PLEKHF2: variants seen among roughly 807,000 people sequenced by gnomAD.
PLEKHF2 encodes pleckstrin homology domain-containing family F member 2.
A neutral mutation model predicts 14.7 loss-of-function variants in PLEKHF2; 4 were observed. That is an observed-to-expected ratio of 0.27 (90% CI 0.13 to 0.62). PLEKHF2 has a LOEUF of 0.62. PLEKHF2 is among the 20% of genes least tolerant of loss of function. PLEKHF2 has a pLI of 0.85. For missense variants in PLEKHF2, 201 were observed against 307.7 expected (o/e 0.65, Z 2.60); for synonymous variants, 90 against 103.5 (o/e 0.87, Z 0.79).
intron 1 of PLEKHF2, among the ~76,000 whole-genome samples, chr8:95,138,270 A>G (rs1315608393): frequency 6.6e-6 from 1 of 151,612 alleles, no homozygotes; most frequent in African/African-American, 2.4e-5. Flanking sequence ...CATGTTGAGC[A>G]GATGACCTTA....
At chr8:95,143,433 T>C (rs758813019) in intron 1 of PLEKHF2, among the ~76,000 whole-genome samples, 1 of 152,130 alleles carries the variant, frequency 6.6e-6, no homozygotes. Flanking sequence ...CCTCCACATC[T>C]GTTGGGAATG....
intron 1 of PLEKHF2, among the ~76,000 whole-genome samples, chr8:95,141,760 G>T (rs1378138229): frequency 6.7e-6 from 1 of 149,100 alleles, no homozygotes; most frequent in Admixed American, 6.8e-5. Flanking sequence ...GGCTGGTATC[G>T]AACTCCTGAC....
intron 1 of PLEKHF2, among the ~76,000 whole-genome samples, chr8:95,137,746 A>G (rs1212975097): frequency 6.6e-6 from 1 of 152,118 alleles, no homozygotes; most frequent in Non-Finnish European, 1.5e-5. Flanking sequence ...CACATTTGGA[A>G]CTACACTTCA....
chr8:95,138,509 A>G (rs1306121133), intron 1 of PLEKHF2, among the ~76,000 whole-genome samples: 2 of 151,848 alleles, frequency 1.3e-5, no homozygotes, highest in African/African-American at 4.8e-5. Context: ...TTTTATACTT[A>G]TATTTTTCTA....
intron 1 of PLEKHF2, among the ~76,000 whole-genome samples, chr8:95,150,204 G>GTA (rs751317090): frequency 6.6e-5 from 10 of 152,066 alleles, no homozygotes; most frequent in Non-Finnish European, 1.3e-4. Context: ...TTGTGTGTGT[G>GTA]TGCAGGGCAG....
chr8:95,147,447 G>A (rs1025791728), intron 1 of PLEKHF2, among the ~76,000 whole-genome samples: 1 of 151,926 alleles, frequency 6.6e-6, no homozygotes, highest in African/African-American at 2.4e-5. Flanking sequence ...TCATTTCATA[G>A]AGTCTTCCAA....
At chr8:95,134,102 C>T (rs951448470) in intron 1 of PLEKHF2, 72 bp downstream of exon 1, 1 of 151,114 alleles carries the variant, frequency 6.6e-6, no homozygotes, top group Non-Finnish European at 1.5e-5. Flanking sequence ...ACTTTCCGGG[C>T]GCTTCCTCCC....
intron 1 of PLEKHF2, among the ~76,000 whole-genome samples, chr8:95,138,026 A>G (rs1326123392): frequency 2.0e-5 from 3 of 152,240 alleles, no homozygotes; most frequent in East Asian, 3.9e-4. Flanking sequence ...CCATGAACTC[A>G]CTAGACCACA....
chr8:95,153,436 C>T (rs2132111712), intron 1 of PLEKHF2, among the ~76,000 whole-genome samples: 1 of 152,220 alleles, frequency 6.6e-6, no homozygotes, highest in East Asian at 1.9e-4. Context: ...AGGCCGTGAA[C>T]ACCCTGTATT....
At position 95,156,651 on chromosome 8, in the gene PLEKHF2, C is replaced by T. The variant is rs567289470; in HGVS notation, c.*1857C>T. ...CATTTACATTGTCAACCTTTATTGA[C>T]TTTGTTTTTACAATAAAAAATATTT... On this transcript the variant is annotated 3_prime_UTR_variant, in exon 2 of 2. Transcript: ENST00000315367. The T allele has an allele frequency of 8.4e-5, 14 of 167,110 alleles. No individual in the cohort carries two copies. The highest frequency in any genetic ancestry group is 3.4e-4 in the African/African-American group (14 of 41,558). 10.4% of individuals were successfully genotyped at this position (167,110 alleles called of 1,614,324 possible). A position where few individuals can be genotyped will look rare whatever the true frequency, so the allele number is the denominator to read the frequency against.
intron 1 of PLEKHF2, among the ~76,000 whole-genome samples, chr8:95,152,563 T>C (rs1009910546): frequency 7.9e-5 from 12 of 152,158 alleles, no homozygotes; most frequent in Non-Finnish European, 1.6e-4. Flanking sequence ...TTTTCTGTGA[T>C]GTACTTGTGC....
chr8:95,138,557 C>CTTT (rs145057604), intron 1 of PLEKHF2, among the ~76,000 whole-genome samples: 1 of 151,594 alleles, frequency 6.6e-6, no homozygotes, highest in African/African-American at 2.4e-5. Context: ...AACTAAAAGG[C>CTTT]TTTGTCTATG....
Position 95,155,491 on chromosome 8 carries a change from T to C in PLEKHF2, c.*697T>C, listed in dbSNP as rs991915714. The C allele has an allele frequency of 6.0e-6, 1 of 167,024 alleles. No individual in the cohort carries two copies. Among genetic ancestry groups the C allele is most frequent in the African/African-American group, 2.4e-5 (1 of 41,458 alleles). 10.3% of individuals were successfully genotyped at this position (167,024 alleles called of 1,614,324 possible). A position where few individuals can be genotyped will look rare whatever the true frequency, so the allele number is the denominator to read the frequency against. ...GAATAAATATTTTTCCATAAAATAGTTGTGATTATATTTTTGTTTTATATA... is the reference window on the plus strand; with the variant it reads ...GAATAAATATTTTTCCATAAAATAGCTGTGATTATATTTTTGTTTTATATA... On this transcript the variant is annotated 3_prime_UTR_variant, in exon 2 of 2. Transcript: ENST00000315367.
Position 95,154,809 on chromosome 8 carries a change from GTATT to G in PLEKHF2, c.*18_*21del. ...GCAGTGACTAAGGACACATTTGGGA[GTATT>G]TAATCAGGTGTGGCTATCTGAGAAA... On this transcript the variant is annotated 3_prime_UTR_variant, in exon 2 of 2. Coordinates refer to ENST00000315367, the MANE Select transcript of PLEKHF2 (RefSeq NM_024613.4). The surrounding 1 kb of genome is among the most constrained non-coding windows in gnomAD (Gnocchi z 5.6). 2 of 1,609,336 alleles carry G rather than the reference GTATT, an allele frequency of 1.2e-6. No individual in the cohort carries two copies.
At chr8:95,141,328 TC>T (rs1294101955) in intron 1 of PLEKHF2, among the ~76,000 whole-genome samples, 1 of 152,214 alleles carries the variant, frequency 6.6e-6, no homozygotes, top group African/African-American at 2.4e-5. Flanking sequence ...TTCAACTGGA[TC>T]CTGTTTTCAG....
intron 1 of PLEKHF2, among the ~76,000 whole-genome samples, chr8:95,134,543 G>T (rs1041386683): frequency 6.6e-6 from 1 of 152,230 alleles, no homozygotes; most frequent in Admixed American, 6.5e-5. Flanking sequence ...TGTCACTTGG[G>T]AGACGAAAAT....
At chr8:95,138,203 A>T (rs1407110318) in intron 1 of PLEKHF2, among the ~76,000 whole-genome samples, 1 of 151,934 alleles carries the variant, frequency 6.6e-6, no homozygotes, top group African/African-American at 2.4e-5. Flanking sequence ...CCCCAAGTTG[A>T]CTTATTTTCT....
intron 1 of PLEKHF2, among the ~76,000 whole-genome samples, chr8:95,148,801 A>G (rs567958467): frequency 1.3e-5 from 2 of 152,278 alleles, no homozygotes; most frequent in South Asian, 2.1e-4. Context: ...GTATTTTCAC[A>G]TATGCCAGAA....
intron 1 of PLEKHF2, among the ~76,000 whole-genome samples, chr8:95,150,343 G>A (rs1044464179): frequency 1.3e-5 from 2 of 152,112 alleles, no homozygotes; most frequent in African/African-American, 4.8e-5. Context: ...CTTAGGTTTT[G>A]TGCATGCCCA....
Sources: gnomAD v4.1 joint callset for allele counts (sites outside exome capture counted in the v4.1 genomes callset) on GRCh38, gnomAD v4.1.1 for gene constraint, Gnocchi (gnomAD v3.1) non-coding constraint, MANE v1.5 for transcripts, NCBI Gene and HGNC (gene_info 2026-07-23, HGNC 2026-07-21) for gene names.